PTPN9: variants seen among roughly 807,000 people sequenced by gnomAD.
PTPN9 encodes tyrosine-protein phosphatase non-receptor type 9.
In PTPN9, 26 loss-of-function variants were observed where a neutral mutation model predicts 69.8. The observed-to-expected ratio is 0.37, with a 90% CI of 0.27 to 0.52. PTPN9 has a LOEUF of 0.52. PTPN9 is among the 20% of genes least tolerant of loss of function. The pLI is 0.91. For synonymous variants in PTPN9, 274 were observed against 272.5 expected, an observed-to-expected ratio of 1.01 and a Z score of -0.05; for missense variants, 549 against 740.3, an observed-to-expected ratio of 0.74 and a Z score of 3.00.
At chr15:75,501,888 T>G (rs1032677845) in intron 7 of PTPN9, among the ~76,000 whole-genome samples, 1 of 152,200 alleles carries the variant, frequency 6.6e-6, no homozygotes, top group Non-Finnish European at 1.5e-5. Flanking sequence ...CCAGGTGCGG[T>G]GGCTCACACC....
At chr15:75,481,837 G>A (rs373597822) in intron 8 of PTPN9, among the ~76,000 whole-genome samples, 3 of 135,304 alleles carry the variant, frequency 2.2e-5, no homozygotes, top group South Asian at 2.7e-4. Flanking sequence ...AGGTGGGGGG[G>A]GGTCAGCGCC....
intron 1 of PTPN9, among the ~76,000 whole-genome samples, chr15:75,572,408 C>A (rs2075152050): frequency 3.3e-5 from 5 of 152,004 alleles, no homozygotes; most frequent in Admixed American, 2.6e-4. Context: ...AACTGCCAGC[C>A]CATTAAGAAA....
At position 75,485,916 on chromosome 15, in the gene PTPN9, A is replaced by C. The variant is rs1376153945; in HGVS notation, c.1062+4292T>G. 2.7e-4 allele frequency among the ~76,000 whole-genome samples: 41 copies of C among 150,876 alleles called. No homozygotes were observed. The South Asian group carries it at 3.2e-3, about 12-fold the overall frequency. ...GAGATCAAGACCATCCTGGCTAACA[A>C]GGTGAAACCCCATCTCTACTAAAAA... On this transcript the variant is annotated intron_variant, in intron 8 of 12. Transcript: ENST00000618819.
rs1237451972 is a variant in PTPN9 at position 75,466,414 on chromosome 15, CCTTT to C, written c.*2351_*2354del. On this transcript the variant is annotated 3_prime_UTR_variant, in exon 13 of 13. Coordinates refer to ENST00000618819, the MANE Select transcript of PTPN9 (RefSeq NM_002833.4). ...TCTTCCATGTACAAAGCTTCTGGTT[CCTTT>C]CTTTCTAAGAGATAAATGCAAATGA... The C allele has an allele frequency of 6.6e-6, 1 of 152,196 alleles. No individual in the cohort carries two copies. Among genetic ancestry groups the C allele is most frequent in the Non-Finnish European group, 1.5e-5 (1 of 68,048 alleles). The allele number at this position is 152,196 out of a possible 1,614,324, so 9.4% of individuals were successfully genotyped here.
intron 1 of PTPN9, among the ~76,000 whole-genome samples, chr15:75,566,334 A>T (rs144606445): frequency 6.6e-6 from 1 of 152,354 alleles, no homozygotes; most frequent in African/African-American, 2.4e-5. Flanking sequence ...GCATAATCTT[A>T]AACGTGTAAA....
chr15:75,473,866 T>C lies in PTPN9; in HGVS notation c.1130-99A>G, dbSNP rs1172965306. 3.4e-6 allele frequency: 3 copies of C among 874,240 alleles called. No individual in the cohort carries two copies. The African/African-American group carries it at 5.0e-5, about 15-fold the overall frequency. The allele number at this position is 874,240 out of a possible 1,614,324, so 54.2% of individuals were successfully genotyped here. ...ACTCCCCAATGGTAACTCCAAACCA[T>C]AGATGGTTAGCTCCCTGCTCATCTT... is the stretch of plus-strand genomic sequence containing the variant. On this transcript the variant is annotated intron_variant, in intron 9 of 12. Coordinates refer to ENST00000618819, the MANE Select transcript of PTPN9 (RefSeq NM_002833.4).
At chr15:75,523,923 G>A (rs575341820) in intron 3 of PTPN9, among the ~76,000 whole-genome samples, 104 of 152,054 alleles carry the variant, frequency 6.8e-4, no homozygotes, top group Non-Finnish European at 1.4e-3. Context: ...AGACTCTCTA[G>A]ATTCAGGATA....
intron 1 of PTPN9, among the ~76,000 whole-genome samples, chr15:75,528,700 T>TC (rs1200101732): frequency 6.6e-6 from 1 of 150,428 alleles, no homozygotes; most frequent in Non-Finnish European, 1.5e-5. Flanking sequence ...AGCACATTTT[T>TC]TTTTTTTTTT....
intron 1 of PTPN9, among the ~76,000 whole-genome samples, chr15:75,573,461 A>G (rs2075158001): frequency 6.6e-6 from 1 of 152,254 alleles, no homozygotes; most frequent in African/African-American, 2.4e-5. Context: ...GAGGATTTGT[A>G]TCCGTTCAAC....
intron 9 of PTPN9, among the ~76,000 whole-genome samples, 178 bp from the exon 10 acceptor site, chr15:75,473,945 T>C (rs1466112917): frequency 1.3e-5 from 2 of 152,128 alleles, no homozygotes; most frequent in African/African-American, 2.4e-5. Context: ...CAGCATCGTA[T>C]GGGAGAGTGT....
intron 5 of PTPN9, among the ~76,000 whole-genome samples, 198 bp from the exon 6 acceptor site, chr15:75,509,225 A>G (rs1206539268): frequency 6.6e-6 from 1 of 152,244 alleles, no homozygotes; most frequent in African/African-American, 2.4e-5. Context: ...TTTAAAAATA[A>G]CAATGTTAAG....
chr15:75,501,944 G>A (rs2074774801), intron 7 of PTPN9, among the ~76,000 whole-genome samples: 1 of 152,052 alleles, frequency 6.6e-6, no homozygotes, highest in Non-Finnish European at 1.5e-5. Context: ...GATCACTTGA[G>A]CCTCGGAGTT....
intron 1 of PTPN9, among the ~76,000 whole-genome samples, chr15:75,561,103 G>T (rs1032477540): frequency 1.3e-5 from 2 of 151,764 alleles, no homozygotes; most frequent in African/African-American, 4.8e-5. Flanking sequence ...ATCACTTGAG[G>T]TCAGGAGTTC....
rs1187508563 is a variant in PTPN9, at chr15:75,551,568, C to T, written c.64-24307G>A. 4.6e-5 allele frequency among the ~76,000 whole-genome samples: 7 copies of T among 152,230 alleles called. No homozygotes were observed. In the East Asian group the frequency reaches 1.2e-3, roughly 25 times the overall value. ...AAAGAGGGGGTTTCACTATGTTGGA[C>T]AGGCTGGTCACCCCATGCATGCTCT... is the stretch of plus-strand genomic sequence containing the variant. On this transcript the variant is annotated intron_variant, in intron 1 of 12. Transcript: ENST00000618819.
At chr15:75,554,472 G>T (rs2075069009) in intron 1 of PTPN9, among the ~76,000 whole-genome samples, 1 of 151,954 alleles carries the variant, frequency 6.6e-6, no homozygotes, top group South Asian at 2.1e-4. Context: ...AGAATTACAG[G>T]CGTGAGCCAC....
At chr15:75,493,040 G>C (rs779554399) in intron 7 of PTPN9, among the ~76,000 whole-genome samples, 1 of 151,870 alleles carries the variant, frequency 6.6e-6, no homozygotes, top group African/African-American at 2.4e-5. Flanking sequence ...CTGTAGTCCC[G>C]GCTATTCAGG....
chr15:75,560,450 CAA>C (rs1431690035), intron 1 of PTPN9, among the ~76,000 whole-genome samples: 2 of 152,106 alleles, frequency 1.3e-5, no homozygotes, highest in East Asian at 3.8e-4. Context: ...TGGTCATTCC[CAA>C]ATAAAACTGT....
rs1050066479 is a variant in PTPN9 at position 75,557,964 on chromosome 15, G to A, written c.63+20750C>T. Among the ~76,000 whole-genome samples the A allele has an allele frequency of 5.3e-5, 8 of 152,286 alleles. No homozygotes were observed. In the South Asian group the frequency reaches 1.4e-3, roughly 28 times the overall value. On this transcript the variant is annotated intron_variant, in intron 1 of 12. Transcript: ENST00000618819. ...AATCCTAGCACTTTGGGAGGCCAAG[G>A]TGGGTGGATCACCAGAGGTCAGGAG... is the stretch of plus-strand genomic sequence containing the variant.
chr15:75,503,607 CCCCGCCCGG>C (rs2074789832), intron 7 of PTPN9, among the ~76,000 whole-genome samples: 1 of 144,652 alleles, frequency 6.9e-6, no homozygotes, highest in Non-Finnish European at 1.5e-5. Flanking sequence ...GGGGTCAGCC[CCCCGCCCGG>C]CCAGCCGCCC....
Sources: gnomAD v4.1 joint callset for allele counts (sites outside exome capture counted in the v4.1 genomes callset) on GRCh38, gnomAD v4.1.1 for gene constraint, MANE v1.5 for transcripts, NCBI Gene and HGNC (gene_info 2026-07-23, HGNC 2026-07-21) for gene names.